Variants in DLG5 observed in about 807,000 individuals in gnomAD.
The protein encoded by DLG5 is discs large MAGUK scaffold protein 5, also known as disks large homolog 5.
A neutral mutation model predicts 189.8 loss-of-function variants in DLG5; 48 were observed. That is an observed-to-expected ratio of 0.25 (90% CI 0.20 to 0.32). DLG5 has a LOEUF of 0.32. Ranked by LOEUF, DLG5 falls within the 10% of genes least tolerant of loss-of-function variation. The probability of loss-of-function intolerance (pLI) is 1.00; values close to 1 mark genes in which losing one functional copy is unlikely to be tolerated. For missense variants in DLG5, 2,160 were observed against 2,544.7 expected, an observed-to-expected ratio of 0.85 and a Z score of 3.25; for synonymous variants, 1,016 against 1,054.1, an observed-to-expected ratio of 0.96 and a Z score of 0.70.
chr10:77,934,654 C>G, the DLG5 span, among the ~76,000 whole-genome samples: 1 of 152,110 alleles, frequency 6.6e-6, no homozygotes, highest in Non-Finnish European at 1.5e-5. Flanking sequence ...CTCACTCTTA[C>G]AATCACAAGG....
At chr10:77,798,489 C>T (rs146824233) in intron 27 of DLG5, among the ~76,000 whole-genome samples, 84 of 152,312 alleles carry the variant, frequency 5.5e-4, no homozygotes, top group African/African-American at 1.9e-3. Flanking sequence ...ACCTCAGTCC[C>T]CACTGGGCTC....
At chr10:77,877,806 C>A (rs997627206) in intron 1 of DLG5, among the ~76,000 whole-genome samples, 1 of 152,096 alleles carries the variant, frequency 6.6e-6, no homozygotes, top group African/African-American at 2.4e-5. Context: ...GGGGGGACAA[C>A]GAACATAGCC....
intron 1 of DLG5, among the ~76,000 whole-genome samples, chr10:77,890,732 C>T (rs1259235377): frequency 1.3e-5 from 2 of 152,214 alleles, no homozygotes; most frequent in African/African-American, 2.4e-5. Context: ...CTCAAGGTAG[C>T]GCTGGAGTAG....
chr10:77,814,505 A>C (rs1975353), intron 20 of DLG5, among the ~76,000 whole-genome samples: 27,323 of 109,526 alleles, frequency 0.25, 3,609 homozygotes, highest in Non-Finnish European at 0.28. Context: ...ATATATATAT[A>C]TCCAAAGGGT....
At chr10:77,800,316 G>C (rs1004911088) in intron 27 of DLG5, among the ~76,000 whole-genome samples, 3 of 152,234 alleles carry the variant, frequency 2.0e-5, no homozygotes, top group Non-Finnish European at 4.4e-5. Flanking sequence ...TAGAGTGGCA[G>C]AGACAAGACA....
At chr10:77,869,469 C>A (rs1589237522) in intron 1 of DLG5, 2 of 459,274 alleles carry the variant, frequency 4.4e-6, no homozygotes, top group Non-Finnish European at 7.7e-6. Flanking sequence ...CTTGTTGGGA[C>A]ATCTGGGGAA....
At chr10:77,887,211 G>A (rs2801827) in intron 1 of DLG5, among the ~76,000 whole-genome samples, 10,819 of 152,192 alleles carry the variant, frequency 0.071, 552 homozygotes, top group Admixed American at 0.14. Flanking sequence ...CAAGATCAAG[G>A]AACTAACCCA....
At position 77,812,269 on chromosome 10, in the gene DLG5, G is replaced by A. The variant is rs761562428; in HGVS notation, c.4134C>T (p.Thr1378=). The A allele has an allele frequency of 6.8e-6, 11 of 1,614,018 alleles. No homozygotes were observed. The highest frequency in any genetic ancestry group is 9.3e-6 in the Non-Finnish European group (11 of 1,180,028). The change falls in exon 21 of 32, where the codon ACC becomes ACT. Residue 1378 remains threonine (T), a synonymous_variant. Transcript: ENST00000372391. ...CAGCCTGGTGAGCGATGCTCCCCAC[G>A]GTCACCTTGGAGACGTAGATGCCGC... ...EKGGIYVSKV[T]VGSIAHQAGL... is the part of the protein sequence containing the mutation.
intron 29 of DLG5, among the ~76,000 whole-genome samples, chr10:77,795,648 G>C (rs1253198637): frequency 6.6e-6 from 1 of 152,124 alleles, no homozygotes; most frequent in African/African-American, 2.4e-5. Flanking sequence ...GAGAGTCATA[G>C]CCCTTTTAGG....
chr10:77,811,030 G>C, intron 23 of DLG5, 64 bp downstream of exon 23: 1 of 1,557,506 alleles, frequency 6.4e-7, no homozygotes, highest in Non-Finnish European at 8.7e-7. Context: ...GCCACTTGGA[G>C]AATGTGCTCA....
chr10:77,812,724 T>C (rs1432551578), intron 20 of DLG5, among the ~76,000 whole-genome samples: 1 of 152,208 alleles, frequency 6.6e-6, no homozygotes, highest in African/African-American at 2.4e-5. Context: ...CTGGGGGGTC[T>C]TGAGATGCCC....
At chr10:77,817,202 C>T (rs1842103472) in intron 18 of DLG5, 106 bp from the exon 19 acceptor site, 1 of 1,030,448 alleles carries the variant, frequency 9.7e-7, no homozygotes, top group Non-Finnish European at 1.5e-6. Flanking sequence ...AAAGCTGGGC[C>T]CTGCTGTTTA....
At chr10:77,793,527 A>G (rs1840743974) in intron 31 of DLG5, 1 of 152,510 alleles carries the variant, frequency 6.6e-6, no homozygotes, top group African/African-American at 2.4e-5. Context: ...GTAAGGGGAC[A>G]GCATTGTTTT....
chr10:77,825,837 G>T (rs139519912), intron 13 of DLG5, among the ~76,000 whole-genome samples: 2 of 152,114 alleles, frequency 1.3e-5, no homozygotes, highest in Non-Finnish European at 1.5e-5. Context: ...GATTACAGGC[G>T]TGAGCCACCA....
chr10:77,897,193 TA>T, intron 1 of DLG5, among the ~76,000 whole-genome samples: 1 of 151,588 alleles, frequency 6.6e-6, no homozygotes, highest in East Asian at 2.0e-4. Flanking sequence ...CCATCTCTAC[TA>T]AAAATACAAA....
At chr10:77,876,635 TACA>T (rs1845098588) in intron 1 of DLG5, among the ~76,000 whole-genome samples, 1 of 138,410 alleles carries the variant, frequency 7.2e-6, no homozygotes, top group East Asian at 2.3e-4. Flanking sequence ...ATGCTGGAAT[TACA>T]GGCATGAGCC....
At chr10:77,868,384 G>A (rs565998815) in intron 2 of DLG5, 18 of 347,674 alleles carry the variant, frequency 5.2e-5, no homozygotes, top group African/African-American at 2.8e-4. Context: ...AGGTGTTCAA[G>A]ATGTGAGCTG....
In DLG5 at chr10:77,829,004, C is replaced by T; in HGVS notation, c.2186-19G>A. On this transcript the variant is annotated intron_variant, in intron 12 of 31. Transcript: ENST00000372391. ...CCACTGTCTGCAAGCCACAGGAGGT[C>T]ACTGGGTAGCCCCTGGCCTCGCTGC... The T allele has an allele frequency of 6.2e-7, 1 of 1,612,844 alleles. No individual in the cohort carries two copies. Among genetic ancestry groups the T allele is most frequent in the Non-Finnish European group, 8.5e-7 (1 of 1,179,168 alleles).
chr10:77,803,372 T>C (rs994652105), intron 27 of DLG5, among the ~76,000 whole-genome samples: 13 of 152,234 alleles, frequency 8.5e-5, no homozygotes, highest in African/African-American at 3.1e-4. Flanking sequence ...TATGTTACAC[T>C]TGGATAAAAT....
Sources: allele counts gnomAD v4.1 joint callset (sites outside exome capture counted in the v4.1 genomes callset), GRCh38; gene constraint gnomAD v4.1.1; transcripts MANE v1.5; gene names NCBI Gene and HGNC (gene_info 2026-07-23, HGNC 2026-07-21).